Variants in AKR1C3 observed in about 807,000 individuals in gnomAD.
The protein encoded by AKR1C3 is aldo-keto reductase family 1 member C3.
A neutral mutation model predicts 43.6 loss-of-function variants in AKR1C3; 48 were observed. The observed-to-expected ratio is 1.10, with a 90% CI of 0.87 to 1.40. AKR1C3 has a LOEUF of 1.40. Among genes scored for constraint, AKR1C3 ranks in the 40% most tolerant of loss-of-function variants. The pLI is 0.00. For missense variants in AKR1C3, 482 were observed against 391.2 expected (o/e 1.23, Z -1.96); for synonymous variants, 162 against 139.6 (o/e 1.16, Z -1.13).
intron 1 of AKR1C3, among the ~76,000 whole-genome samples, chr10:5,056,506 C>T (rs1320864733): frequency 6.6e-6 from 1 of 152,206 alleles, no homozygotes; most frequent in African/African-American, 2.4e-5. Flanking sequence ...TGCTGCATTT[C>T]CTTACTAAGG....
At chr10:5,055,634 G>A (rs546682520) in intron 1 of AKR1C3, among the ~76,000 whole-genome samples, 13 of 152,104 alleles carry the variant, frequency 8.5e-5, no homozygotes, top group Non-Finnish European at 1.5e-4. Context: ...GTTGTCCCAC[G>A]AGTCTGAGTA....
At chr10:5,064,289 A>G (rs564107594) in intron 1 of AKR1C3, among the ~76,000 whole-genome samples, 5 of 152,294 alleles carry the variant, frequency 3.3e-5, no homozygotes, top group African/African-American at 1.2e-4. Context: ...CACACCTGCA[A>G]TCATTCAACG....
rs374527439 is a variant in AKR1C3 at position 5,086,134 on chromosome 10, C to T, written c.85-10276C>T. Among the ~76,000 whole-genome samples the T allele has an allele frequency of 1.1e-4, 16 of 151,906 alleles. No homozygotes were observed. In the South Asian group the frequency reaches 1.9e-3, roughly 18 times the overall value. On this transcript the variant is annotated intron_variant, in intron 1 of 8. Transcript: ENST00000439082. ...TTCTGCTAGCTTTTGAATATGTTTG[C>T]TCTTGCTTTTCTAGCTCTTTTAATT... is the stretch of plus-strand genomic sequence containing the variant.
At chr10:5,093,419 G>A (rs1289288077), upstream of AKR1C3, 1 of 151,946 alleles carries the variant, frequency 6.6e-6, no homozygotes, top group Non-Finnish European at 1.5e-5. Context: ...TAAATAGAAC[G>A]AAATCAGGGC....
At chr10:5,106,229 C>T (rs1295113737) in intron 8 of AKR1C3, among the ~76,000 whole-genome samples, 2 of 152,120 alleles carry the variant, frequency 1.3e-5, no homozygotes, top group South Asian at 2.1e-4. Flanking sequence ...CTTTTGCCTC[C>T]AGAAAGCCTT....
intron 1 of AKR1C3, among the ~76,000 whole-genome samples, chr10:5,066,438 A>G (rs1489539407): frequency 6.6e-6 from 1 of 152,224 alleles, no homozygotes; most frequent in Non-Finnish European, 1.5e-5. Flanking sequence ...TGTCATTGAC[A>G]GGTTACGGTG....
rs566140629 is a variant in AKR1C3, at chr10:5,058,269, A to T, written c.84+9374A>T. On this transcript the variant is annotated intron_variant, in intron 1 of 8. Transcript: ENST00000439082. ...GTGTATTCTCCTTCAATGAAAAGAA[A>T]ACTTGGACATAAGGTATTTCACTCC... 7.2e-5 allele frequency among the ~76,000 whole-genome samples: 11 copies of T among 152,258 alleles called. No homozygotes were observed. In the South Asian group the frequency reaches 2.3e-3, roughly 32 times the overall value.
chr10:5,048,839 C>A (rs782362799), exon 1 of AKR1C3: 5 of 1,613,936 alleles, frequency 3.1e-6, no homozygotes, highest in Non-Finnish European at 4.2e-6. Context: ...GTGTTTGAAG[C>A]TAAATGATGG....
chr10:5,102,330 C>A, intron 6 of AKR1C3, 120 bp downstream of exon 6: 1 of 1,591,276 alleles, frequency 6.3e-7, no homozygotes. Context: ...AAGAGAATTG[C>A]ATTTCTGACG....
At chr10:5,096,130 T>C in intron 1 of AKR1C3, 1 of 299,108 alleles carries the variant, frequency 3.3e-6, no homozygotes, top group Non-Finnish European at 6.2e-6. Context: ...ATTAGGACTA[T>C]TTCAGTCATG....
At chr10:5,097,650 G>T in intron 3 of AKR1C3, 100 bp downstream of exon 3, 3 of 1,593,276 alleles carry the variant, frequency 1.9e-6, no homozygotes, top group Non-Finnish European at 2.6e-6. Flanking sequence ...AGGATGTAGG[G>T]ATTATCACAC....
intron 7 of AKR1C3, among the ~76,000 whole-genome samples, chr10:5,104,073 G>GATTTTCTCT (rs1839431294): frequency 3.3e-5 from 5 of 152,104 alleles, no homozygotes; most frequent in African/African-American, 9.6e-5. Context: ...TATGTGCTGT[G>GATTTTCTCT]GTTTTCTCTG....
chr10:5,074,080 C>T (rs1838662422), intron 1 of AKR1C3, among the ~76,000 whole-genome samples: 1 of 152,028 alleles, frequency 6.6e-6, no homozygotes, highest in African/African-American at 2.4e-5. Flanking sequence ...AACCATTTGT[C>T]TCTTATCTAT....
chr10:5,057,226 CT>C (rs1330960354), intron 1 of AKR1C3, among the ~76,000 whole-genome samples: 1 of 152,194 alleles, frequency 6.6e-6, no homozygotes, highest in East Asian at 1.9e-4. Flanking sequence ...GTAAACCACA[CT>C]GATAACAGGC....
chr10:5,101,922 A>G (rs1839360018), intron 5 of AKR1C3, among the ~76,000 whole-genome samples, 179 bp from the exon 6 acceptor site: 1 of 152,220 alleles, frequency 6.6e-6, no homozygotes, highest in African/African-American at 2.4e-5. Flanking sequence ...ATTTCCATTT[A>G]TACTTTTAGA....
At chr10:5,105,771 G>A (rs1437862683) in intron 8 of AKR1C3, 94 bp downstream of exon 8, 4 of 932,178 alleles carry the variant, frequency 4.3e-6, no homozygotes, top group African/African-American at 3.3e-5. Flanking sequence ...GAGGGACAGA[G>A]GCCAATGTGA....
upstream of AKR1C3, among the ~76,000 whole-genome samples, chr10:5,090,320 C>T (rs966723050): frequency 6.6e-6 from 1 of 152,062 alleles, no homozygotes; most frequent in East Asian, 1.9e-4. Flanking sequence ...GCATGAAGTT[C>T]TCTGTGGGGG....
chr10:5,099,661 T>A, intron 5 of AKR1C3: 1 of 811,696 alleles, frequency 1.2e-6, no homozygotes, highest in Non-Finnish European at 1.9e-6. Context: ...TAATGCTGAA[T>A]CGTGTGTAAT....
intron 8 of AKR1C3, among the ~76,000 whole-genome samples, chr10:5,106,943 A>G (rs1329677592): frequency 7.5e-6 from 1 of 133,758 alleles, no homozygotes; most frequent in African/African-American, 2.6e-5. Context: ...TGTAAAAGAA[A>G]GGAAGAGTAG....
Sources: gnomAD v4.1 joint callset for allele counts (sites outside exome capture counted in the v4.1 genomes callset) on GRCh38, gnomAD v4.1.1 for gene constraint, MANE v1.5 for transcripts, NCBI Gene and HGNC (gene_info 2026-07-23, HGNC 2026-07-21) for gene names.